The following ABCG2 variants were observed in gnomAD, a reference collection of about 807,000 sequenced individuals.
The protein encoded by ABCG2 is broad substrate specificity ATP-binding cassette transporter ABCG2.
In ABCG2, 80 loss-of-function variants were observed where a neutral mutation model predicts 73.5. That is an observed-to-expected ratio of 1.09 (90% CI 0.91 to 1.31). ABCG2 has a LOEUF of 1.31. Among genes scored for constraint, ABCG2 ranks in the 50% most tolerant of loss-of-function variants. ABCG2 has a pLI of 0.00. For synonymous variants in ABCG2, 269 were observed against 282.4 expected (o/e 0.95, Z 0.48); for missense variants, 796 against 786.2 (o/e 1.01, Z -0.15).
In ABCG2 at chr4:88,121,697, C is replaced by T; in HGVS notation, c.627G>A (p.Leu209=). 1 of 1,614,086 alleles carries T rather than the reference C, an allele frequency of 6.2e-7. No homozygotes were observed. Among genetic ancestry groups the T allele is most frequent in the Non-Finnish European group, 8.5e-7 (1 of 1,179,984 alleles). Residue 209 remains leucine (L), a synonymous_variant, in exon 6 of 16, where the codon TTG becomes TTA. Coordinates refer to ENST00000237612, the MANE Select transcript of ABCG2 (RefSeq NM_004827.3). Reference sequence around the variant, plus strand: ...AGTCTAAGCCAGTTGTAGGCTCATCCAAGAACAAGATGGAAGGATCAGTGA... The same window carrying T: ...AGTCTAAGCCAGTTGTAGGCTCATCTAAGAACAAGATGGAAGGATCAGTGA... ...ELITDPSILF[L]DEPTTGLDSS... is the part of the protein sequence containing the mutation.
At chr4:88,136,968 T>C (rs1019271901) in intron 2 of ABCG2, among the ~76,000 whole-genome samples, 1 of 149,290 alleles carries the variant, frequency 6.7e-6, no homozygotes, top group Non-Finnish European at 1.5e-5. Flanking sequence ...GCCAAGATCA[T>C]GCCACTGCAC....
At chr4:88,098,352 C>T (rs1212242507) in intron 12 of ABCG2, among the ~76,000 whole-genome samples, 2 of 151,826 alleles carry the variant, frequency 1.3e-5, no homozygotes, top group African/African-American at 4.8e-5. Flanking sequence ...ATGTGTTTAT[C>T]AGTGAAATAT....
intron 1 of ABCG2, among the ~76,000 whole-genome samples, chr4:88,210,626 T>G (rs1729557170): frequency 6.6e-6 from 1 of 150,824 alleles, no homozygotes; most frequent in African/African-American, 2.4e-5. Flanking sequence ...GGGATCTTGC[T>G]CTGTTGCCCA....
At chr4:88,223,987 A>G (rs1730105437) in intron 1 of ABCG2, 1 of 151,658 alleles carries the variant, frequency 6.6e-6, no homozygotes. Flanking sequence ...TCATGTGCTT[A>G]TTAGCCATTT....
intron 1 of ABCG2, among the ~76,000 whole-genome samples, chr4:88,225,807 T>C (rs1475441165): frequency 6.6e-6 from 1 of 152,152 alleles, no homozygotes; most frequent in East Asian, 1.9e-4. Flanking sequence ...GGACTCACAG[T>C]TCCACATGGC....
At chr4:88,134,670 C>T (rs912298402) in intron 2 of ABCG2, among the ~76,000 whole-genome samples, 4 of 152,170 alleles carry the variant, frequency 2.6e-5, no homozygotes, top group Non-Finnish European at 4.4e-5. Flanking sequence ...ACCAAGCAAT[C>T]CTAAATGATT....
At chr4:88,225,032 C>T (rs1371070455) in intron 1 of ABCG2, among the ~76,000 whole-genome samples, 1 of 152,168 alleles carries the variant, frequency 6.6e-6, no homozygotes, top group Non-Finnish European at 1.5e-5. Flanking sequence ...TATTCTATTC[C>T]ATTGATCTGG....
At chr4:88,168,605 T>C (rs1026866674) in intron 1 of ABCG2, among the ~76,000 whole-genome samples, 16 of 151,898 alleles carry the variant, frequency 1.1e-4, no homozygotes, top group African/African-American at 3.9e-4. Context: ...CAGAGTCAGA[T>C]AGTACAGTAG....
At chr4:88,153,000 T>C (rs1015515735) in intron 1 of ABCG2, among the ~76,000 whole-genome samples, 7 of 151,874 alleles carry the variant, frequency 4.6e-5, no homozygotes, top group Non-Finnish European at 8.8e-5. Context: ...TTGTATGAAT[T>C]GAAAAAAGAA....
rs1246561114 is a variant in ABCG2 at position 88,202,370 on chromosome 4, ATATATATG to A, written c.-20+28616_-20+28623del. Among the ~76,000 whole-genome samples, 258 of 125,172 alleles carry A rather than the reference ATATATATG, an allele frequency of 2.1e-3. 5 individuals carry two copies. Among genetic ancestry groups the A allele is most frequent in the African/African-American group, 7.5e-3 (251 of 33,394 alleles). 82.1% of individuals were successfully genotyped at this position (125,172 alleles called of 152,430 possible). On this transcript the variant is annotated intron_variant, in intron 1 of 15. Transcript: ENST00000515655. ...TACAATTATTTATATATATATATAT[ATATATATG>A]TATATTTTAATTAGCTGGGCATGGT...
At chr4:88,118,826 A>G (rs972626127) in intron 6 of ABCG2, among the ~76,000 whole-genome samples, 1 of 152,198 alleles carries the variant, frequency 6.6e-6, no homozygotes. Context: ...AGGCAGTTCC[A>G]ATATTATTAT....
At chr4:88,181,525 G>A (rs1728252127) in intron 1 of ABCG2, among the ~76,000 whole-genome samples, 1 of 151,908 alleles carries the variant, frequency 6.6e-6, no homozygotes, top group African/African-American at 2.4e-5. Flanking sequence ...GAGCCCAAGA[G>A]TTCAAGATCA....
chr4:88,106,015 G>A (rs145635970), intron 10 of ABCG2, among the ~76,000 whole-genome samples: 3 of 152,206 alleles, frequency 2.0e-5, no homozygotes, highest in East Asian at 3.9e-4. Flanking sequence ...AAAATGGTAC[G>A]GCCACTGTGG....
chr4:88,184,580 T>C (rs959178068), intron 1 of ABCG2, among the ~76,000 whole-genome samples: 2 of 152,202 alleles, frequency 1.3e-5, no homozygotes, highest in East Asian at 1.9e-4. Flanking sequence ...AGATATTCCA[T>C]GTTCATAGAT....
At chr4:88,110,570 T>C (rs1028204546) in intron 9 of ABCG2, among the ~76,000 whole-genome samples, 3 of 152,142 alleles carry the variant, frequency 2.0e-5, no homozygotes, top group Non-Finnish European at 4.4e-5. Flanking sequence ...CTTGCTTTAT[T>C]GCCCAAGCTG....
chr4:88,164,519 T>A (rs1293612483), intron 1 of ABCG2, among the ~76,000 whole-genome samples: 1 of 152,170 alleles, frequency 6.6e-6, no homozygotes, highest in Admixed American at 6.5e-5. Flanking sequence ...CCCCTTTTGC[T>A]CGGCACTTCT....
chr4:88,101,379 C>T, intron 10 of ABCG2, 60 bp from the exon 11 acceptor site: 1 of 1,441,820 alleles, frequency 6.9e-7, no homozygotes, highest in Non-Finnish European at 9.7e-7. Flanking sequence ...GACAGATTTT[C>T]TACCCACAAA....
chr4:88,093,284 T>G (rs1160822782), intron 15 of ABCG2, among the ~76,000 whole-genome samples: 1 of 152,076 alleles, frequency 6.6e-6, no homozygotes, highest in Non-Finnish European at 1.5e-5. Context: ...GGCAGGTGGA[T>G]CACGAGGTCA....
rs146181101 is a variant in ABCG2, at chr4:88,144,645, G to A, written c.-19-4631C>T. Among the ~76,000 whole-genome samples the A allele has an allele frequency of 8.8e-3, 1,339 of 151,922 alleles. 17 individuals are homozygous for A. Among genetic ancestry groups the A allele is most frequent in the Middle Eastern group, 0.02 (6 of 294 alleles). Reference sequence around the variant, plus strand: ...TAATTTTTGTATTTTTAGTAGAGACGAAGTTTCACCATGGTGGTCAAGGCT... The same window carrying A: ...TAATTTTTGTATTTTTAGTAGAGACAAAGTTTCACCATGGTGGTCAAGGCT... On this transcript the variant is annotated intron_variant, in intron 1 of 15. Transcript: ENST00000237612.
Sources: allele counts gnomAD v4.1 joint callset (sites outside exome capture counted in the v4.1 genomes callset), GRCh38; gene constraint gnomAD v4.1.1; transcripts MANE v1.5; gene names NCBI Gene and HGNC (gene_info 2026-07-23, HGNC 2026-07-21).